AK8: variants seen among roughly 807,000 people sequenced by gnomAD.
AK8 encodes adenylate kinase 8, also known as ATP-AMP transphosphorylase 8.
AK8 carries 44 observed loss-of-function variants against 54.6 expected under a neutral mutation model. The ratio of observed to expected loss-of-function variants is 0.81; its 90% confidence interval spans 0.63 to 1.04. The LOEUF (loss-of-function observed/expected upper bound fraction) is 1.04. Among genes scored for constraint, AK8 ranks in the 50% least tolerant of loss-of-function variants. The pLI, the probability that AK8 is intolerant of heterozygous loss-of-function variation, is 0.00. For synonymous variants in AK8, 239 were observed against 245.6 expected, an observed-to-expected ratio of 0.97 and a Z score of 0.25; for missense variants, 555 against 613.6, an observed-to-expected ratio of 0.90 and a Z score of 1.01.
intron 5 of AK8, among the ~76,000 whole-genome samples, chr9:132,835,670 T>C (rs765098613): frequency 8.5e-5 from 13 of 152,134 alleles, no homozygotes; most frequent in African/African-American, 1.2e-4. Flanking sequence ...TAGCTCACGG[T>C]TGATGAAATA....
Position 132,820,551 on chromosome 9 carries a change from A to C in AK8, c.889+2654T>G, listed in dbSNP as rs189731418. ...ATGCTTCTGCCACATCTCTCCTTAC[A>C]TATCTGAGTGTTGGAGCAGAATAAA... On this transcript the variant is annotated intron_variant, in intron 9 of 12. Coordinates refer to ENST00000298545, the MANE Select transcript of AK8 (RefSeq NM_152572.3). 1.4e-3 allele frequency among the ~76,000 whole-genome samples: 206 copies of C among 152,288 alleles called. 1 individual carries two copies. Among genetic ancestry groups the C allele is most frequent in the African/African-American group, 3.7e-3 (153 of 41,548 alleles).
chr9:132,820,091 A>C (rs1841515576), intron 9 of AK8, among the ~76,000 whole-genome samples: 1 of 142,902 alleles, frequency 7.0e-6, no homozygotes, highest in Non-Finnish European at 1.5e-5. Context: ...TGGAGGCTGC[A>C]GTGAGCCATG....
intron 9 of AK8, among the ~76,000 whole-genome samples, chr9:132,822,966 C>T (rs187067915): frequency 1.3e-5 from 2 of 152,260 alleles, no homozygotes; most frequent in African/African-American, 4.8e-5. Flanking sequence ...TGTTCTGTCT[C>T]TTTGGGCTGT....
intron 11 of AK8, among the ~76,000 whole-genome samples, chr9:132,733,395 C>T (rs372385880): frequency 6.6e-6 from 1 of 152,192 alleles, no homozygotes; most frequent in South Asian, 2.1e-4. Context: ...CTCTGGATGC[C>T]GACGCCAGTA....
intron 11 of AK8, among the ~76,000 whole-genome samples, chr9:132,733,221 T>TA (rs894875004): frequency 2.4e-3 from 343 of 143,614 alleles, no homozygotes; most frequent in Non-Finnish European, 2.3e-3. Flanking sequence ...TAACAGCCAC[T>TA]AAAAAAAAAA....
intron 5 of AK8, among the ~76,000 whole-genome samples, chr9:132,841,115 A>G (rs997933691): frequency 3.3e-5 from 5 of 152,176 alleles, no homozygotes; most frequent in African/African-American, 1.2e-4. Context: ...ACTTCAGAGC[A>G]TGCGCCGCAG....
intron 7 of AK8, 189 bp from the exon 8 acceptor site, chr9:132,827,243 A>G: frequency 1.6e-6 from 1 of 635,970 alleles, no homozygotes. Context: ...CTTAACTATT[A>G]TTCTTGTTAC....
At chr9:132,853,366 A>AAAAAAAAGAAAAGAAAAGG (rs1163438011) in intron 5 of AK8, among the ~76,000 whole-genome samples, 1 of 151,582 alleles carries the variant, frequency 6.6e-6, no homozygotes, top group Non-Finnish European at 1.5e-5. Context: ...TCAAAAAAAA[A>AAAAAAAAGAAAAGAAAAGG]AAAAAAGAAA....
At chr9:132,854,586 A>T (rs1454413251) in intron 5 of AK8, among the ~76,000 whole-genome samples, 1 of 152,142 alleles carries the variant, frequency 6.6e-6, no homozygotes, top group Non-Finnish European at 1.5e-5. Context: ...TGCTTCTGCG[A>T]TTGTCCTGTC....
At chr9:132,733,416 C>T (rs776857601) in intron 11 of AK8, among the ~76,000 whole-genome samples, 5 of 152,196 alleles carry the variant, frequency 3.3e-5, no homozygotes, top group Non-Finnish European at 7.3e-5. Flanking sequence ...GAAAGGAAGC[C>T]GGTTTGGAAA....
chr9:132,855,845 T>A (rs1040013080), intron 4 of AK8, among the ~76,000 whole-genome samples: 1 of 151,366 alleles, frequency 6.6e-6, no homozygotes, highest in Non-Finnish European at 1.5e-5. Flanking sequence ...CAAAGAGGAG[T>A]CGCCCTCTTG....
At chr9:132,765,974 T>A (rs1391456097) in intron 11 of AK8, among the ~76,000 whole-genome samples, 1 of 152,208 alleles carries the variant, frequency 6.6e-6, no homozygotes, top group Non-Finnish European at 1.5e-5. Context: ...TTTGAACTGA[T>A]AAACACATTT....
In AK8 at chr9:132,792,707, A is replaced by C; in HGVS notation, c.1048T>G (p.Trp350Gly). 1.3e-6 allele frequency: 2 copies of C among 1,557,282 alleles called. No homozygotes were observed. The highest frequency in any genetic ancestry group is 1.7e-6 in the Non-Finnish European group (2 of 1,150,850). Residue 350 changes from tryptophan (W) to glycine (G), a missense_variant, in exon 11 of 13, where the codon TGG (tryptophan) becomes GGG (glycine). Trp to Gly is a radical substitution (Grantham distance 184). Transcript: ENST00000298545. ...LDQQDCIQKG[W>G]VLHGVPRDLD... ...TCCCGCGGGACGCCGTGTAGCACCC[A>C]GCCTTTCTGGATGCAGTCCTGCTGG...
intron 11 of AK8, among the ~76,000 whole-genome samples, chr9:132,743,355 CAG>C (rs1837486211): frequency 1.3e-5 from 2 of 152,260 alleles, no homozygotes; most frequent in East Asian, 1.9e-4. Context: ...TCACTGGAAA[CAG>C]GGCAGTGGAG....
In AK8 at chr9:132,820,143, C is replaced by T. The variant is rs1329376840; in HGVS notation, c.889+3062G>A. Among the ~76,000 whole-genome samples, 6 of 61,512 alleles carry T rather than the reference C, an allele frequency of 9.8e-5. No homozygotes were observed. The East Asian group carries it at 1.2e-3, about 13-fold the overall frequency. 40.4% of individuals were successfully genotyped at this position (61,512 alleles called of 152,430 possible). A position where few individuals can be genotyped will look rare whatever the true frequency, so the allele number is the denominator to read the frequency against. ...CCAGCCTGGGTGACAGAGTAAGACC[C>T]GAAAAAAAAAAAAAAAAAAAGACAA... On this transcript the variant is annotated intron_variant, in intron 9 of 12. Transcript: ENST00000298545.
intron 4 of AK8, 73 bp from the exon 5 acceptor site, chr9:132,854,998 AC>A (rs1843120475): frequency 1.3e-6 from 2 of 1,506,252 alleles, no homozygotes; most frequent in Non-Finnish European, 1.8e-6. Context: ...ACCAGCACAC[AC>A]CCTTCACCAA....
intron 11 of AK8, among the ~76,000 whole-genome samples, chr9:132,744,391 AAAGT>A (rs1450016103): frequency 6.6e-6 from 1 of 151,556 alleles, no homozygotes; most frequent in Non-Finnish European, 1.5e-5. Flanking sequence ...TCTCCACTAA[AAAGT>A]AACAGGAGAA....
chr9:132,762,849 C>G (rs924043513), intron 11 of AK8, among the ~76,000 whole-genome samples: 21 of 152,072 alleles, frequency 1.4e-4, no homozygotes, highest in African/African-American at 4.1e-4. Context: ...TGCACTCCAG[C>G]CTGGGTGACA....
At chr9:132,726,828 T>C (rs1293328444) in intron 12 of AK8, among the ~76,000 whole-genome samples, 3 of 151,962 alleles carry the variant, frequency 2.0e-5, no homozygotes, top group Non-Finnish European at 4.4e-5. Context: ...AAAACTCCCA[T>C]GACAAATCAG....
Sources: allele counts gnomAD v4.1 joint callset (sites outside exome capture counted in the v4.1 genomes callset), GRCh38; gene constraint gnomAD v4.1.1; transcripts MANE v1.5; gene names NCBI Gene and HGNC (gene_info 2026-07-23, HGNC 2026-07-21).